NBEA: variants seen among roughly 807,000 people sequenced by gnomAD.
NBEA encodes the protein neurobeachin.
A neutral mutation model predicts 343.4 loss-of-function variants in NBEA; 44 were observed. The ratio of observed to expected loss-of-function variants is 0.13; its 90% CI spans 0.10 to 0.16. The LOEUF is 0.16. Ranked by LOEUF, NBEA falls within the 10% of genes least tolerant of loss-of-function variation. The probability of loss-of-function intolerance (pLI) is 1.00; values close to 1 mark genes in which losing one functional copy is unlikely to be tolerated. For missense variants in NBEA, 2,555 were observed against 3,631.3 expected (o/e 0.70, Z 7.62); for synonymous variants, 1,175 against 1,238.7 (o/e 0.95, Z 1.08).
At chr13:35,668,760 T>C (rs1274141185) in intron 58 of NBEA, among the ~76,000 whole-genome samples, 1 of 152,136 alleles carries the variant, frequency 6.6e-6, no homozygotes, top group Non-Finnish European at 1.5e-5. Context: ...CAGACATGTT[T>C]TAAGGGCCCA....
intron 1 of NBEA, among the ~76,000 whole-genome samples, chr13:35,037,883 C>A (rs1248132908): frequency 6.6e-6 from 1 of 152,204 alleles, no homozygotes; most frequent in African/African-American, 2.4e-5. Flanking sequence ...TAGGGCTCTA[C>A]AATTAGCAAG....
intron 36 of NBEA, among the ~76,000 whole-genome samples, chr13:35,347,617 C>G (rs2039958396): frequency 6.6e-6 from 1 of 151,956 alleles, no homozygotes; most frequent in Non-Finnish European, 1.5e-5. Flanking sequence ...TTTTAATTGA[C>G]ACAGTGAAAA....
chr13:35,208,990 G>A, intron 32 of NBEA, 136 bp downstream of exon 32: 1 of 758,086 alleles, frequency 1.3e-6, no homozygotes, highest in Non-Finnish European at 1.9e-6. Context: ...TATATTTTAT[G>A]TTATGACTTT....
chr13:35,417,529 G>A (rs117061256), intron 38 of NBEA, among the ~76,000 whole-genome samples: 456 of 152,048 alleles, frequency 3.0e-3, no homozygotes, highest in Middle Eastern at 0.014. Flanking sequence ...GTTCAGTTTC[G>A]TGTAGTTGAG....
At chr13:35,026,882 A>T (rs1019953560) in intron 1 of NBEA, among the ~76,000 whole-genome samples, 2 of 152,114 alleles carry the variant, frequency 1.3e-5, no homozygotes, top group Non-Finnish European at 2.9e-5. Flanking sequence ...TATTACTACA[A>T]ATATAGTCAC....
At chr13:35,112,529 A>G (rs2066268607) in intron 13 of NBEA, among the ~76,000 whole-genome samples, 1 of 152,194 alleles carries the variant, frequency 6.6e-6, no homozygotes, top group East Asian at 1.9e-4. Flanking sequence ...CATCTGACTC[A>G]GAGACCTAGT....
chr13:35,177,033 T>C lies in NBEA; in HGVS notation c.4592T>C (p.Ile1531Thr). 1 of 1,604,986 alleles carries C rather than the reference T, an allele frequency of 6.2e-7. No homozygotes were observed. The highest frequency in any genetic ancestry group is 8.5e-7 in the Non-Finnish European group (1 of 1,174,802). The change falls in exon 28 of 59, where the codon ATT becomes ACT. Residue 1531 changes from isoleucine (I) to threonine (T), a missense_variant. Around this residue, in one of 21 missense-constraint regions of NBEA, gnomAD observed 168 missense variants for 193.0 expected, o/e 0.87. Transcript: ENST00000379939. ...AATGTTCCAGGTAACCTTTCTCCTA[T>C]TAAGGATCCGGATAGACTTCTTCAG... ...LENVPGNLSP[I>T]KDPDRLLQDV... is the part of the protein sequence containing the mutation.
At chr13:35,195,786 A>G in intron 30 of NBEA, 78 bp from the exon 31 acceptor site, 1 of 1,297,562 alleles carries the variant, frequency 7.7e-7, no homozygotes, top group Middle Eastern at 2.6e-4. Context: ...CTTTATTTGA[A>G]TATATGAAAA....
intron 29 of NBEA, 67 bp from the exon 30 acceptor site, chr13:35,183,909 C>T: frequency 1.8e-6 from 2 of 1,118,204 alleles, no homozygotes; most frequent in Non-Finnish European, 2.6e-6. Flanking sequence ...TGTCATGGAT[C>T]TTCAGTGGAC....
intron 43 of NBEA, 66 bp downstream of exon 43, chr13:35,551,098 A>T (rs1418776963): frequency 1.1e-6 from 1 of 928,508 alleles, no homozygotes; most frequent in Non-Finnish European, 1.7e-6. Context: ...TATTACAGCA[A>T]TGTAAATGTG....
intron 36 of NBEA, among the ~76,000 whole-genome samples, chr13:35,326,512 T>C (rs1029589340): frequency 2.0e-5 from 3 of 152,082 alleles, no homozygotes; most frequent in Non-Finnish European, 4.4e-5. Context: ...ACTGACATTG[T>C]TTATTAGTTC....
chr13:35,038,561 G>T (rs2062534863), intron 1 of NBEA, among the ~76,000 whole-genome samples: 1 of 152,090 alleles, frequency 6.6e-6, no homozygotes, highest in South Asian at 2.1e-4. Flanking sequence ...GGACCCAAGG[G>T]CTCTTCAGTT....
At chr13:35,214,932 A>G (rs2073982198) in intron 33 of NBEA, among the ~76,000 whole-genome samples, 1 of 151,706 alleles carries the variant, frequency 6.6e-6, no homozygotes, top group African/African-American at 2.4e-5. Flanking sequence ...TTTTAGTACC[A>G]TTCAATTACC....
chr13:35,584,700 A>G (rs1010733157), intron 46 of NBEA, among the ~76,000 whole-genome samples: 3 of 151,840 alleles, frequency 2.0e-5, no homozygotes, highest in Admixed American at 6.6e-5. Context: ...GCGTTTCACC[A>G]TGTTGGCCAG....
chr13:35,272,271 G>A (rs1257575465), intron 34 of NBEA, among the ~76,000 whole-genome samples: 1 of 152,100 alleles, frequency 6.6e-6, no homozygotes, highest in Non-Finnish European at 1.5e-5. Context: ...CGTAAGTGAA[G>A]GAGAAATAAA....
intron 36 of NBEA, among the ~76,000 whole-genome samples, chr13:35,311,096 A>G (rs907580302): frequency 1.3e-5 from 2 of 152,146 alleles, no homozygotes; most frequent in Non-Finnish European, 2.9e-5. Flanking sequence ...GTTGCAGGAA[A>G]ATATCAGTTT....
intron 41 of NBEA, among the ~76,000 whole-genome samples, chr13:35,486,965 A>G (rs2076325838): frequency 6.6e-6 from 1 of 151,936 alleles, no homozygotes; most frequent in Admixed American, 6.6e-5. Context: ...TGATGAGGAG[A>G]AGCAATTATT....
intron 38 of NBEA, among the ~76,000 whole-genome samples, chr13:35,398,557 T>C (rs1407701459): frequency 1.3e-5 from 2 of 152,132 alleles, no homozygotes; most frequent in African/African-American, 2.4e-5. Flanking sequence ...ACAATATTCA[T>C]CTCCTTGTAC....
At chr13:34,961,659 T>TTTA (rs1307520939) in intron 1 of NBEA, among the ~76,000 whole-genome samples, 1 of 151,888 alleles carries the variant, frequency 6.6e-6, no homozygotes, top group African/African-American at 2.4e-5. Flanking sequence ...TGCCCTGGAG[T>TTTA]TTATAGAGTT....
Sources: gnomAD v4.1 joint callset for allele counts (sites outside exome capture counted in the v4.1 genomes callset) on GRCh38, gnomAD v4.1.1 for gene constraint, gnomAD v4.1.1 regional missense constraint, MANE v1.5 for transcripts, NCBI Gene and HGNC (gene_info 2026-07-23, HGNC 2026-07-21) for gene names.